Variants in BABAM2 observed in about 807,000 individuals in gnomAD.
The protein encoded by BABAM2 is BRISC and BRCA1-A complex member 2.
Under a neutral mutation model 54.7 loss-of-function variants are expected in BABAM2, and 31 were observed. The observed-to-expected ratio is 0.57, with a 90% CI of 0.43 to 0.77. BABAM2 has a LOEUF of 0.77. Among genes scored for constraint, BABAM2 ranks in the 30% least tolerant of loss-of-function variants. BABAM2 has a pLI of 0.00. For missense variants in BABAM2, 364 were observed against 455.8 expected (o/e 0.80, Z 1.83); for synonymous variants, 167 against 162.9 (o/e 1.03, Z -0.19).
At chr2:28,256,662 A>C (rs2148119296) in intron 10 of BABAM2, among the ~76,000 whole-genome samples, 1 of 150,496 alleles carries the variant, frequency 6.6e-6, no homozygotes, top group South Asian at 2.1e-4. Context: ...AATTCAATTA[A>C]GTATTTTTCA....
At chr2:27,889,687 T>G (rs1664665049), upstream of BABAM2, among the ~76,000 whole-genome samples, 1 of 152,236 alleles carries the variant, frequency 6.6e-6, no homozygotes, top group Admixed American at 6.5e-5. Flanking sequence ...CTTGGCTTGC[T>G]GAAAAATACG....
At chr2:28,209,325 G>A (rs1679209109) in intron 7 of BABAM2, among the ~76,000 whole-genome samples, 1 of 152,162 alleles carries the variant, frequency 6.6e-6, no homozygotes, top group South Asian at 2.1e-4. Flanking sequence ...GCTGCACTGG[G>A]TGGAGAAGGT....
chr2:28,175,533 G>A (rs1425181261), intron 7 of BABAM2, among the ~76,000 whole-genome samples: 2 of 152,192 alleles, frequency 1.3e-5, no homozygotes, highest in Non-Finnish European at 2.9e-5. Context: ...CACCCAGCCT[G>A]TTGCCACCAT....
chr2:28,249,792 C>T (rs1326381480), intron 10 of BABAM2, among the ~76,000 whole-genome samples: 3 of 152,036 alleles, frequency 2.0e-5, no homozygotes, highest in Non-Finnish European at 4.4e-5. Flanking sequence ...ACATAAGCGC[C>T]ATGACGCCCA....
chr2:28,143,659 A>G (rs925097980), intron 7 of BABAM2, among the ~76,000 whole-genome samples: 3 of 152,210 alleles, frequency 2.0e-5, no homozygotes, highest in Admixed American at 2.0e-4. Context: ...CATCAAAACC[A>G]TATTAACTAT....
intron 4 of BABAM2, among the ~76,000 whole-genome samples, chr2:28,005,559 A>C (rs1462446864): frequency 6.6e-6 from 1 of 152,152 alleles, no homozygotes; most frequent in Admixed American, 6.5e-5. Context: ...AAATTGATAA[A>C]TTTTTAAGCC....
intron 7 of BABAM2, among the ~76,000 whole-genome samples, chr2:28,223,949 A>C (rs1454630192): frequency 6.6e-6 from 1 of 152,066 alleles, no homozygotes; most frequent in Non-Finnish European, 1.5e-5. Flanking sequence ...CTCTCTCCCC[A>C]AGAGAAATCT....
intron 4 of BABAM2, among the ~76,000 whole-genome samples, chr2:28,008,793 A>G (rs1223412524): frequency 1.3e-5 from 2 of 152,180 alleles, no homozygotes; most frequent in South Asian, 2.1e-4. Flanking sequence ...AGTTCTAGGC[A>G]GATGAAAGGA....
chr2:28,107,550 C>G (rs114480567), intron 6 of BABAM2, among the ~76,000 whole-genome samples: 3,289 of 152,212 alleles, frequency 0.022, 112 homozygotes, highest in African/African-American at 0.073. Flanking sequence ...GCTGTCATCT[C>G]TTCCATCCAC....
chr2:28,201,953 T>C (rs1318093960), intron 7 of BABAM2, among the ~76,000 whole-genome samples: 1 of 152,170 alleles, frequency 6.6e-6, no homozygotes, highest in East Asian at 1.9e-4. Flanking sequence ...GTTCTGTCAT[T>C]TGGGAAATCA....
intron 10 of BABAM2, among the ~76,000 whole-genome samples, chr2:28,258,545 C>G (rs964857206): frequency 2.6e-5 from 4 of 151,502 alleles, no homozygotes; most frequent in Non-Finnish European, 4.4e-5. Flanking sequence ...ACATCTTTTC[C>G]TATGCTTATC....
At chr2:28,290,504 T>C (rs1687199377) in intron 10 of BABAM2, among the ~76,000 whole-genome samples, 1 of 152,234 alleles carries the variant, frequency 6.6e-6, no homozygotes, top group South Asian at 2.1e-4. Flanking sequence ...CAAATGGGCA[T>C]GAAGTGGAAG....
At chr2:27,975,855 A>G (rs1006493785) in intron 3 of BABAM2, among the ~76,000 whole-genome samples, 3 of 152,130 alleles carry the variant, frequency 2.0e-5, no homozygotes, top group Admixed American at 6.5e-5. Flanking sequence ...CAACATTAAG[A>G]AAACCAACAA....
Position 28,025,332 on chromosome 2 carries a change from C to T in BABAM2, c.407C>T (p.Ser136Phe), listed in dbSNP as rs1289071416. ...QFQCSRLRES[S>F]RLMFEYQTLL... Reference sequence around the variant, plus strand: ...CAATGTAGCCGCCTCCGGGAGAGCTCCCGCCTCATGTTTGAATACCAGACA... The same window carrying T: ...CAATGTAGCCGCCTCCGGGAGAGCTTCCGCCTCATGTTTGAATACCAGACA... The change falls in exon 5 of 12, where the codon TCC becomes TTC. Residue 136 changes from serine to phenylalanine, a missense_variant. Coordinates refer to ENST00000379624, the MANE Select transcript of BABAM2 (RefSeq NM_199191.3). 2 of 1,613,074 alleles carry T rather than the reference C, an allele frequency of 1.2e-6. No homozygotes were observed.
intron 7 of BABAM2, among the ~76,000 whole-genome samples, chr2:28,219,476 C>T (rs1680201485): frequency 6.6e-6 from 1 of 152,206 alleles, no homozygotes; most frequent in East Asian, 1.9e-4. Context: ...ATAATCTCCT[C>T]ATGTCGGGGT....
chr2:28,249,736 G>A (rs767432923), intron 10 of BABAM2, among the ~76,000 whole-genome samples: 1 of 152,052 alleles, frequency 6.6e-6, no homozygotes, highest in Non-Finnish European at 1.5e-5. Context: ...AACTTCCTGG[G>A]CTCAGGTGAT....
intron 10 of BABAM2, among the ~76,000 whole-genome samples, chr2:28,285,737 CTTTT>C (rs931182085): frequency 6.9e-6 from 1 of 144,572 alleles, no homozygotes; most frequent in Non-Finnish European, 1.5e-5. Context: ...GCAAATAAGT[CTTTT>C]TTTTTTTTAA....
intron 2 of BABAM2, among the ~76,000 whole-genome samples, chr2:27,921,961 G>A (rs1667375288): frequency 6.6e-6 from 1 of 152,058 alleles, no homozygotes; most frequent in Non-Finnish European, 1.5e-5. Context: ...TACAACACTA[G>A]GAGTCAAGAT....
At chr2:27,949,285 C>T (rs901695335) in intron 3 of BABAM2, among the ~76,000 whole-genome samples, 3 of 152,220 alleles carry the variant, frequency 2.0e-5, no homozygotes, top group Non-Finnish European at 4.4e-5. Context: ...GTAATCCCAG[C>T]ACTTTGGGAG....
Sources: gnomAD v4.1 joint callset for allele counts (sites outside exome capture counted in the v4.1 genomes callset) on GRCh38, gnomAD v4.1.1 for gene constraint, MANE v1.5 for transcripts, NCBI Gene and HGNC (gene_info 2026-07-23, HGNC 2026-07-21) for gene names.